CTNNA2: variants seen among roughly 807,000 people sequenced by gnomAD.
CTNNA2 encodes the protein catenin alpha-2.
In CTNNA2, 42 loss-of-function variants were observed where a neutral mutation model predicts 101.0. The ratio of observed to expected loss-of-function variants is 0.42; its 90% CI spans 0.32 to 0.54. The LOEUF (loss-of-function observed/expected upper bound fraction) is 0.54. Among genes scored for constraint, CTNNA2 ranks in the 20% least tolerant of loss-of-function variants. The pLI is 0.14. For synonymous variants in CTNNA2, 450 were observed against 456.4 expected (o/e 0.99, Z 0.18); for missense variants, 871 against 1,223.1 (o/e 0.71, Z 4.29).
chr2:79,490,765 T>A (rs1671200701), intron 4 of CTNNA2, among the ~76,000 whole-genome samples: 1 of 152,216 alleles, frequency 6.6e-6, no homozygotes, highest in Admixed American at 6.5e-5. Flanking sequence ...TCAAAGGCTT[T>A]TATTTTTCTA....
chr2:80,331,057 C>T (rs1371299063), intron 7 of CTNNA2, among the ~76,000 whole-genome samples: 1 of 150,410 alleles, frequency 6.6e-6, no homozygotes, highest in Non-Finnish European at 1.5e-5. Flanking sequence ...CGGCTGCATC[C>T]ACTAAAGGCT....
chr2:80,562,512 T>C (rs926154197), intron 12 of CTNNA2, among the ~76,000 whole-genome samples: 1 of 152,240 alleles, frequency 6.6e-6, no homozygotes, highest in Non-Finnish European at 1.5e-5. Flanking sequence ...ATTTTGCTTG[T>C]AGATGTGCAA....
intron 4 of CTNNA2, among the ~76,000 whole-genome samples, chr2:79,398,176 TA>T (rs1416342625): frequency 7.9e-5 from 12 of 152,256 alleles, no homozygotes. Flanking sequence ...CTGCAATTGC[TA>T]AAATTGTTTA....
chr2:79,917,143 C>T (rs1686306712), intron 7 of CTNNA2, among the ~76,000 whole-genome samples: 1 of 151,850 alleles, frequency 6.6e-6, no homozygotes, highest in African/African-American at 2.4e-5. Flanking sequence ...GCGATCTCGG[C>T]TCACTGCAAC....
chr2:80,577,101 T>C (rs115057050), intron 13 of CTNNA2, among the ~76,000 whole-genome samples: 1,802 of 152,298 alleles, frequency 0.012, 45 homozygotes, highest in African/African-American at 0.04. Context: ...AATTCTGTCT[T>C]GGTTATTCAT....
chr2:79,960,068 G>T (rs1689522825), intron 7 of CTNNA2, among the ~76,000 whole-genome samples: 1 of 152,182 alleles, frequency 6.6e-6, no homozygotes, highest in South Asian at 2.1e-4. Context: ...TTATTGTTGA[G>T]ATGAGTAGAA....
At position 80,077,466 on chromosome 2, in the gene CTNNA2, CG is replaced by C. The variant is rs1558785610; in HGVS notation, c.1056+167671del. 2.6e-5 allele frequency among the ~76,000 whole-genome samples: 4 copies of C among 151,788 alleles called. No homozygotes were observed. In the East Asian group the frequency reaches 7.8e-4, roughly 30 times the overall value. ...TTTTTAGAAAAACAACAACAACTAG[CG>C]GTTAGGCGTGGTGTCCCACACCTTT... On this transcript the variant is annotated intron_variant, in intron 7 of 18. Transcript: ENST00000402739.
chr2:80,035,206 T>C (rs1695569033), intron 7 of CTNNA2, among the ~76,000 whole-genome samples: 1 of 152,190 alleles, frequency 6.6e-6, no homozygotes, highest in Non-Finnish European at 1.5e-5. Context: ...TTGACTTTTG[T>C]GTTACAAAGG....
At chr2:80,452,772 A>G (rs961715469) in intron 9 of CTNNA2, among the ~76,000 whole-genome samples, 1 of 151,560 alleles carries the variant, frequency 6.6e-6, no homozygotes, top group South Asian at 2.1e-4. Context: ...TCAATTTGAG[A>G]TAGAAGGGAT....
intron 7 of CTNNA2, among the ~76,000 whole-genome samples, chr2:80,081,731 A>G (rs1699164880): frequency 1.4e-5 from 2 of 144,014 alleles, no homozygotes; most frequent in African/African-American, 5.1e-5. Context: ...CGCTAAGACA[A>G]TCTCTCTCTC....
chr2:79,296,762 T>C (rs1675989229), intron 2 of CTNNA2, among the ~76,000 whole-genome samples: 1 of 152,172 alleles, frequency 6.6e-6, no homozygotes, highest in South Asian at 2.1e-4. Context: ...AGGATCCTTC[T>C]AAAACAACAG....
At chr2:79,843,817 A>G (rs1019018830) in intron 3 of CTNNA2, among the ~76,000 whole-genome samples, 4 of 152,212 alleles carry the variant, frequency 2.6e-5, no homozygotes, top group African/African-American at 7.2e-5. Flanking sequence ...CACAATTGCT[A>G]AATTACTCCA....
intron 2 of CTNNA2, among the ~76,000 whole-genome samples, chr2:79,680,437 C>G (rs1683484511): frequency 6.6e-6 from 1 of 152,044 alleles, no homozygotes; most frequent in South Asian, 2.1e-4. Context: ...TCTTTTCTCA[C>G]ATTGAAAAGA....
At chr2:80,052,856 G>A (rs1210887814) in intron 7 of CTNNA2, among the ~76,000 whole-genome samples, 1 of 152,178 alleles carries the variant, frequency 6.6e-6, no homozygotes, top group African/African-American at 2.4e-5. Flanking sequence ...CTTCGGAGGT[G>A]TCCTTATAAG....
At position 79,923,156 on chromosome 2, in the gene CTNNA2, G is replaced by C. The variant is rs535916204; in HGVS notation, c.1056+13359G>C. On this transcript the variant is annotated intron_variant, in intron 7 of 18. Coordinates refer to ENST00000402739, the MANE Select transcript of CTNNA2 (RefSeq NM_001282597.3). The stretch of plus-strand genomic sequence containing the variant: ...AGAGCCTGTTTTGTCAGGAGTAGGT[G>C]TTAATGCAGCTAATGCAGAAAATCG... Among the ~76,000 whole-genome samples, 5 of 152,240 alleles carry C rather than the reference G, an allele frequency of 3.3e-5. No individual in the cohort carries two copies. The South Asian group carries it at 1.0e-3, about 32-fold the overall frequency.
intron 4 of CTNNA2, among the ~76,000 whole-genome samples, chr2:79,457,071 G>A (rs572125533): frequency 1.9e-4 from 29 of 151,760 alleles, no homozygotes; most frequent in Non-Finnish European, 3.5e-4. Flanking sequence ...GCGCGGTGGC[G>A]GGCGCCTGTA....
intron 15 of CTNNA2, among the ~76,000 whole-genome samples, chr2:80,597,969 A>C (rs982952365): frequency 2.6e-5 from 4 of 152,158 alleles, no homozygotes; most frequent in African/African-American, 9.7e-5. Context: ...CACCCAAAGG[A>C]TTATAAATCA....
intron 3 of CTNNA2, among the ~76,000 whole-genome samples, chr2:79,750,497 G>C (rs1469914671): frequency 6.6e-6 from 1 of 152,214 alleles, no homozygotes; most frequent in African/African-American, 2.4e-5. Context: ...TAGTTATTTA[G>C]TGTTTCACAT....
In CTNNA2 at chr2:79,832,548, T is replaced by A. The variant is rs559754697; in HGVS notation, c.299-25465T>A. Among the ~76,000 whole-genome samples the A allele has an allele frequency of 3.1e-4, 47 of 152,334 alleles. No individual in the cohort carries two copies. The South Asian group carries it at 7.9e-3, about 25-fold the overall frequency. ...AGCCTTTAATAACTTGACAGTTTTCTGGTGTGCAGTTTCTGGCCATTATCT... is the reference window on the plus strand; with the variant it reads ...AGCCTTTAATAACTTGACAGTTTTCAGGTGTGCAGTTTCTGGCCATTATCT... On this transcript the variant is annotated intron_variant, in intron 3 of 18. Coordinates refer to ENST00000402739, the MANE Select transcript of CTNNA2 (RefSeq NM_001282597.3).
Sources: gnomAD v4.1 joint callset for allele counts (sites outside exome capture counted in the v4.1 genomes callset) on GRCh38, gnomAD v4.1.1 for gene constraint, MANE v1.5 for transcripts, NCBI Gene and HGNC (gene_info 2026-07-23, HGNC 2026-07-21) for gene names.